The following ASIC2 variants were observed in gnomAD, a reference collection of about 807,000 sequenced individuals.
ASIC2 encodes the protein acid-sensing ion channel 2.
Under a neutral mutation model 57.3 loss-of-function variants are expected in ASIC2, and 25 were observed. The ratio of observed to expected loss-of-function variants is 0.44; its 90% CI spans 0.32 to 0.61. The LOEUF is 0.61. Ranked by LOEUF, ASIC2 falls within the 20% of genes least tolerant of loss-of-function variation. ASIC2 has a pLI of 0.06. For missense variants in ASIC2, 641 were observed against 738.1 expected (o/e 0.87, Z 1.52); for synonymous variants, 319 against 307.5 (o/e 1.04, Z -0.39).
intron 1 of ASIC2, among the ~76,000 whole-genome samples, chr17:33,438,183 T>A (rs1446531203): frequency 2.6e-5 from 4 of 152,186 alleles, no homozygotes; most frequent in African/African-American, 9.6e-5. Context: ...AATTGTGATA[T>A]TTTCACCACA....
In ASIC2 at chr17:34,083,144, G is replaced by A. The variant is rs545664729; in HGVS notation, c.555+72834C>T. ...CCACTAACTCGTCATCTAGCATTAG[G>A]TATATCTCCCAGTGCTATCCCTCCC... On this transcript the variant is annotated intron_variant, in intron 1 of 9. Transcript: ENST00000359872. Among the ~76,000 whole-genome samples, 260 of 150,450 alleles carry A rather than the reference G, an allele frequency of 1.7e-3. 1 individual carries two copies. The highest frequency in any genetic ancestry group is 6.2e-3 in the African/African-American group (255 of 41,028).
At chr17:33,246,457 C>T (rs957246154) in intron 1 of ASIC2, among the ~76,000 whole-genome samples, 3 of 152,210 alleles carry the variant, frequency 2.0e-5, no homozygotes, top group Admixed American at 2.0e-4. Flanking sequence ...TTAAAACGAA[C>T]TTCAGTGCAG....
intron 1 of ASIC2, among the ~76,000 whole-genome samples, chr17:33,358,844 G>A (rs1908488721): frequency 6.6e-6 from 1 of 152,192 alleles, no homozygotes; most frequent in Non-Finnish European, 1.5e-5. Flanking sequence ...TTTTAACACG[G>A]AATGATGTGA....
intron 1 of ASIC2, among the ~76,000 whole-genome samples, chr17:34,151,641 A>G (rs1904530191): frequency 6.6e-6 from 1 of 152,176 alleles, no homozygotes; most frequent in South Asian, 2.1e-4. Flanking sequence ...GTGAAAGCTT[A>G]ATATATAATG....
chr17:33,326,570 T>C (rs942761352), intron 1 of ASIC2, among the ~76,000 whole-genome samples: 2 of 152,202 alleles, frequency 1.3e-5, no homozygotes, highest in African/African-American at 4.8e-5. Context: ...AAGCAAGCAC[T>C]CAGTTGTCTA....
intron 1 of ASIC2, among the ~76,000 whole-genome samples, chr17:33,232,480 G>A (rs968618474): frequency 1.3e-5 from 2 of 150,564 alleles, no homozygotes; most frequent in South Asian, 2.1e-4. Flanking sequence ...GTATGGTATG[G>A]TATGGTATGG....
At chr17:33,056,411 C>T (rs953903906) in intron 3 of ASIC2, among the ~76,000 whole-genome samples, 11 of 152,208 alleles carry the variant, frequency 7.2e-5, no homozygotes, top group African/African-American at 2.4e-4. Flanking sequence ...TAACCCCTGA[C>T]AGTTTGGGGT....
intron 3 of ASIC2, among the ~76,000 whole-genome samples, chr17:33,067,656 G>C (rs1304507599): frequency 6.6e-6 from 1 of 152,186 alleles, no homozygotes; most frequent in East Asian, 1.9e-4. Flanking sequence ...TGAGGGTGGA[G>C]CAGGTTTAGG....
Position 33,306,067 on chromosome 17 carries a change from CTCTT to C in ASIC2, c.556-194004_556-194001del, listed in dbSNP as rs573380969. On this transcript the variant is annotated intron_variant, in intron 1 of 9. Coordinates refer to the ASIC2 transcript ENST00000359872. Reference sequence around the variant, plus strand: ...TTTCATGGCATTTAAATGTTTCTCTCTCTTTCCTGTTTCTTAAACTAAAAACAAT... The same window carrying C: ...TTTCATGGCATTTAAATGTTTCTCTCTCCTGTTTCTTAAACTAAAAACAAT... 2.5e-3 allele frequency among the ~76,000 whole-genome samples: 377 copies of C among 152,344 alleles called. 3 individuals carry two copies. The highest frequency in any genetic ancestry group is 8.7e-3 in the African/African-American group (360 of 41,586).
At chr17:33,481,266 C>T (rs1382963543) in intron 1 of ASIC2, among the ~76,000 whole-genome samples, 5 of 152,168 alleles carry the variant, frequency 3.3e-5, no homozygotes, top group African/African-American at 9.7e-5. Context: ...TTTTCTCACG[C>T]GTGCTTACTC....
chr17:33,949,443 T>C (rs1007844956), intron 1 of ASIC2, among the ~76,000 whole-genome samples: 1 of 152,212 alleles, frequency 6.6e-6, no homozygotes, highest in African/African-American at 2.4e-5. Context: ...CAATAGATTC[T>C]TCCACAATAA....
intron 1 of ASIC2, among the ~76,000 whole-genome samples, chr17:33,657,572 C>A (rs570994297): frequency 2.9e-4 from 44 of 152,190 alleles, no homozygotes; most frequent in African/African-American, 1.0e-3. Context: ...ACCCCAATTA[C>A]AGAGCAACCT....
chr17:33,690,943 G>A (rs1181752163), intron 1 of ASIC2, among the ~76,000 whole-genome samples: 1 of 151,720 alleles, frequency 6.6e-6, no homozygotes, highest in Admixed American at 6.6e-5. Flanking sequence ...TAGAGACGGG[G>A]TTTCACTGTG....
At chr17:33,305,742 T>G (rs1051873804) in intron 1 of ASIC2, among the ~76,000 whole-genome samples, 5 of 152,216 alleles carry the variant, frequency 3.3e-5, no homozygotes, top group African/African-American at 4.8e-5. Context: ...AGAAGGAATT[T>G]CAGCCAAATG....
chr17:33,093,229 G>A (rs1434475239), intron 2 of ASIC2, among the ~76,000 whole-genome samples: 4 of 152,184 alleles, frequency 2.6e-5, no homozygotes, highest in Non-Finnish European at 5.9e-5. Context: ...ATTAAACCAA[G>A]TGAGTGGCCC....
intron 1 of ASIC2, chr17:33,634,906 G>C (rs1177300795): frequency 6.6e-6 from 1 of 151,996 alleles, no homozygotes; most frequent in Non-Finnish European, 1.5e-5. Flanking sequence ...GTGGAGGAGA[G>C]AGACAGTCAA....
intron 1 of ASIC2, among the ~76,000 whole-genome samples, chr17:33,941,126 C>T (rs1916182993): frequency 6.6e-6 from 1 of 152,156 alleles, no homozygotes; most frequent in South Asian, 2.1e-4. Context: ...AGTTAGGAGT[C>T]TAAGTGCAGG....
intron 1 of ASIC2, among the ~76,000 whole-genome samples, chr17:34,018,026 T>C (rs948063013): frequency 6.6e-6 from 1 of 152,188 alleles, no homozygotes; most frequent in Non-Finnish European, 1.5e-5. Flanking sequence ...CAGCCTTATA[T>C]TGGAATAAGA....
At chr17:33,944,971 G>A (rs1393442827) in intron 1 of ASIC2, among the ~76,000 whole-genome samples, 2 of 152,194 alleles carry the variant, frequency 1.3e-5, no homozygotes, top group Admixed American at 6.5e-5. Flanking sequence ...GCCTTGTCCT[G>A]CCAAGGGTTG....
Sources: gnomAD v4.1 joint callset for allele counts (sites outside exome capture counted in the v4.1 genomes callset) on GRCh38, gnomAD v4.1.1 for gene constraint, MANE v1.5 for transcripts, NCBI Gene and HGNC (gene_info 2026-07-23, HGNC 2026-07-21) for gene names.